The following CCDC187 variants were observed in gnomAD, a reference collection of about 807,000 sequenced individuals.
CCDC187 encodes the protein coiled-coil domain containing 187.
Under a neutral mutation model 38.0 loss-of-function variants are expected in CCDC187, and 32 were observed. That is an observed-to-expected ratio of 0.84 (90% confidence interval 0.64 to 1.13). The LOEUF (loss-of-function observed/expected upper bound fraction) is 1.13, where lower values mean the gene tolerates loss of function less well. Among genes scored for constraint, CCDC187 ranks in the 50% most tolerant of loss-of-function variants. CCDC187 has a pLI of 0.00. For synonymous variants in CCDC187, 333 were observed against 347.9 expected, an observed-to-expected ratio of 0.96 and a Z score of 0.48; for missense variants, 707 against 786.8, an observed-to-expected ratio of 0.90 and a Z score of 1.21.
chr9:136,257,302 G>A lies in CCDC187; in HGVS notation c.4367-461C>T, dbSNP rs1229693224. Among the ~76,000 whole-genome samples, 1 of 152,152 alleles carries A rather than the reference G, an allele frequency of 6.6e-6. No individual in the cohort carries two copies. The highest frequency in any genetic ancestry group is 1.5e-5 in the Non-Finnish European group (1 of 68,026). The stretch of plus-strand genomic sequence containing the variant: ...GCAAAAGAATTGCTTGAACCCGGGA[G>A]GCGGAGGTTGCAGTGAGCCAAGATC... On this transcript the variant is annotated intron_variant, in intron 22 of 25. Coordinates refer to ENST00000638797, the MANE Select transcript of CCDC187 (RefSeq NM_001378188.1). This position sits in a 1 kb window ranked among gnomAD's most constrained non-coding sequence, Gnocchi z 4.5.
chr9:136,259,189 G>A (rs370429333), intron 21 of CCDC187, among the ~76,000 whole-genome samples, 174 bp downstream of exon 21: 99 of 135,944 alleles, frequency 7.3e-4, no homozygotes, highest in East Asian at 2.1e-3. Flanking sequence ...ACCAAGGACC[G>A]GCCACAGGAA....
chr9:136,293,246 CAT>C (rs1292883826), intron 4 of CCDC187, among the ~76,000 whole-genome samples: 7 of 146,362 alleles, frequency 4.8e-5, no homozygotes, highest in Admixed American at 1.3e-4. Flanking sequence ...CTCACACTCA[CAT>C]GCTTACACAC....
In CCDC187 at chr9:136,256,709, G is replaced by A. The variant is rs1830617271; in HGVS notation, c.4499C>T (p.Ala1500Val). The change falls in exon 23 of 26, where the codon GCC becomes GTC. Residue 1500 changes from alanine to valine, a missense_variant. By Grantham distance (64) the Ala-to-Val change is moderately conservative. Transcript: ENST00000638797. ...GCACGGCCACACCCGACTCACGCTG[G>A]CTTCTTGTGGGCCACAAGGACCTTC... Reference protein sequence around the residue: ...GREGPCGPQEASQVAEDSMSE... With the variant: ...GREGPCGPQEVSQVAEDSMSE... 1 of 152,266 alleles carries A rather than the reference G, an allele frequency of 6.6e-6. No individual in the cohort carries two copies. Among genetic ancestry groups the A allele is most frequent in the Non-Finnish European group, 1.5e-5 (1 of 68,048 alleles). 9.4% of individuals were successfully genotyped at this position (152,266 alleles called of 1,614,324 possible). A position where few individuals can be genotyped will look rare whatever the true frequency, so the allele number is the denominator to read the frequency against.
chr9:136,260,382 C>A lies in CCDC187; in HGVS notation c.4065-118G>T, dbSNP rs1035971696. 4 of 767,424 alleles carry A rather than the reference C, an allele frequency of 5.2e-6. No individual in the cohort carries two copies. In the African/African-American group the frequency reaches 5.7e-5, roughly 11 times the overall value. 47.5% of individuals were successfully genotyped at this position (767,424 alleles called of 1,614,324 possible). On this transcript the variant is annotated intron_variant, in intron 19 of 25. Transcript: ENST00000638797. ...CCTGGGAACAACCTCATGTCACATCCAGGGATGGCTGTGGTCAGTGGCCAA... is the reference window on the plus strand; with the variant it reads ...CCTGGGAACAACCTCATGTCACATCAAGGGATGGCTGTGGTCAGTGGCCAA...
chr9:136,288,708 G>A (rs1450912378), intron 7 of CCDC187, among the ~76,000 whole-genome samples: 2 of 152,172 alleles, frequency 1.3e-5, no homozygotes, highest in African/African-American at 4.8e-5. Flanking sequence ...CCATGTGTGT[G>A]ATTCACGATG....
chr9:136,276,029 T>C (rs1830925004), intron 12 of CCDC187, among the ~76,000 whole-genome samples, 165 bp downstream of exon 12: 7 of 152,274 alleles, frequency 4.6e-5, no homozygotes, highest in Admixed American at 2.6e-4. Context: ...TGTTTCTGCA[T>C]AGAGACTTTG....
At chr9:136,273,388 A>G (rs781963111) in intron 14 of CCDC187, among the ~76,000 whole-genome samples, 8 of 152,228 alleles carry the variant, frequency 5.3e-5, no homozygotes, top group Non-Finnish European at 1.0e-4. Context: ...ATCAGACAAA[A>G]TAGCCTCTGA....
rs35303959 is a variant in CCDC187 at position 136,264,761 on chromosome 9, C to CT, written c.3736-964dup. 6.2e-3 allele frequency among the ~76,000 whole-genome samples: 885 copies of CT among 143,560 alleles called. 5 individuals carry two copies. Among genetic ancestry groups the CT allele is most frequent in the African/African-American group, 0.012 (434 of 37,186 alleles). The allele number at this position is 143,560 out of a possible 152,430, so 94.2% of individuals were successfully genotyped here. ...AAAGTAGTCCCCCACCCCAGCTCACCTTTTTTTTTTTTGAAACAAGGTCTC... is the reference window on the plus strand; with the variant it reads ...AAAGTAGTCCCCCACCCCAGCTCACCTTTTTTTTTTTTTGAAACAAGGTCTC... On this transcript the variant is annotated intron_variant, in intron 17 of 25. Coordinates refer to ENST00000638797, the MANE Select transcript of CCDC187 (RefSeq NM_001378188.1). The surrounding 1 kb of genome is among the most constrained non-coding windows in gnomAD (Gnocchi z 4.3).
intron 7 of CCDC187, among the ~76,000 whole-genome samples, chr9:136,288,644 T>C (rs1831238250): frequency 6.6e-6 from 1 of 151,956 alleles, no homozygotes. Context: ...CTGGAAACTG[T>C]AGTGAGACCC....
chr9:136,263,823 T>A, intron 17 of CCDC187, 25 bp from the exon 18 acceptor site: 1 of 985,424 alleles, frequency 1.0e-6, no homozygotes, highest in Non-Finnish European at 1.2e-6. Context: ...TAAGCAGATG[T>A]CAGCATAACC....
chr9:136,305,495 C>T (rs1831788773), upstream of CCDC187, among the ~76,000 whole-genome samples: 1 of 152,210 alleles, frequency 6.6e-6, no homozygotes, highest in Admixed American at 6.5e-5. Flanking sequence ...GGCCTGGCCC[C>T]CCTGCTGACG....
In CCDC187 at chr9:136,268,223, T is replaced by C. The variant is rs901046039; in HGVS notation, c.3443-98A>G. ...GAGGGCCTCATAAAAGTAGGAGGTC[T>C]AGGGCAGTTTAGTGTCCCCATCCCA... On this transcript the variant is annotated intron_variant, in intron 14 of 25. Transcript: ENST00000638797. 1.3e-4 allele frequency: 98 copies of C among 753,110 alleles called. No homozygotes were observed. The Admixed American group carries it at 1.4e-3, about 11-fold the overall frequency. 46.7% of individuals were successfully genotyped at this position (753,110 alleles called of 1,614,324 possible).
chr9:136,258,868 C>A lies in CCDC187; in HGVS notation c.4366+64G>T. ...GCTGAGCTCCAGCCTCGGACAGGCT[C>A]TGCTGGATGTGGGGGAAGTGTCTGG... On this transcript the variant is annotated intron_variant, in intron 22 of 25. Coordinates refer to ENST00000638797, the MANE Select transcript of CCDC187 (RefSeq NM_001378188.1). The surrounding 1 kb of genome is among the most constrained non-coding windows in gnomAD (Gnocchi z 4.3). 1.0e-6 allele frequency: 1 copy of A among 985,576 alleles called. No homozygotes were observed. Among genetic ancestry groups the A allele is most frequent in the Non-Finnish European group, 1.2e-6 (1 of 830,034 alleles). The allele number at this position is 985,576 out of a possible 1,614,324, so 61.1% of individuals were successfully genotyped here.
Position 136,250,862 on chromosome 9 carries a change from G to A in CCDC187, c.*2732C>T. ...GCAGGCTGGGTCCAGCTGCTCCCGG[G>A]CGAGGGGTGTCTGGAGAGGGGCTCT... On this transcript the variant is annotated 3_prime_UTR_variant, in exon 26 of 26. Transcript: ENST00000638797. 1 of 455,416 alleles carries A rather than the reference G, an allele frequency of 2.2e-6. No homozygotes were observed. The highest frequency in any genetic ancestry group is 4.4e-6 in the Non-Finnish European group (1 of 226,352). The allele number at this position is 455,416 out of a possible 1,614,324, so 28.2% of individuals were successfully genotyped here.
At chr9:136,273,583 T>C (rs1466466548) in intron 14 of CCDC187, among the ~76,000 whole-genome samples, 3 of 152,142 alleles carry the variant, frequency 2.0e-5, no homozygotes, top group African/African-American at 7.2e-5. Flanking sequence ...TCAATTCCAG[T>C]CTCTTATTCA....
Position 136,290,800 on chromosome 9 carries a change from T to C in CCDC187, c.1813A>G (p.Thr605Ala). 2.5e-6 allele frequency: 1 copy of C among 398,526 alleles called. No individual in the cohort carries two copies. Among genetic ancestry groups the C allele is most frequent in the Non-Finnish European group, 4.4e-6 (1 of 225,994 alleles). The allele number at this position is 398,526 out of a possible 1,614,324, so 24.7% of individuals were successfully genotyped here. Residue 605 changes from threonine (T) to alanine (A), a missense_variant, in exon 6 of 26, where the codon ACC becomes GCC. By Grantham distance (58) the Thr-to-Ala change is moderately conservative. Coordinates refer to ENST00000638797, the MANE Select transcript of CCDC187 (RefSeq NM_001378188.1). ...SAAKHALPRPTGSFPQNPLGK... is the reference protein window; with the variant it reads ...SAAKHALPRPAGSFPQNPLGK... ...AGTGGGTTCTGAGGGAAGCTCCCGG[T>C]GGGCCTTGGCAGGGCATGCTTGGCA... is the stretch of plus-strand genomic sequence containing the variant.
At chr9:136,262,202 G>A (rs782310251) in intron 19 of CCDC187, 109 bp downstream of exon 19, 102 of 945,312 alleles carry the variant, frequency 1.1e-4, no homozygotes, top group Non-Finnish European at 1.2e-4. Context: ...GTGCCACCCC[G>A]GCCCCTGAGC....
chr9:136,296,860 G>A (rs1309134749), intron 4 of CCDC187, among the ~76,000 whole-genome samples: 1 of 152,182 alleles, frequency 6.6e-6, no homozygotes, highest in Non-Finnish European at 1.5e-5. Context: ...GGACTCTCCG[G>A]GAAACACGCA....
chr9:136,251,980 G>A lies in CCDC187; in HGVS notation c.*1614C>T, dbSNP rs1190616412. On this transcript the variant is annotated 3_prime_UTR_variant, in exon 26 of 26. Coordinates refer to ENST00000638797, the MANE Select transcript of CCDC187 (RefSeq NM_001378188.1). ...CCGGGAAGGTCCAGGCGACCGTCCCGCGGAGCCGGCCGCCCACCTGGTCCA... is the reference window on the plus strand; with the variant it reads ...CCGGGAAGGTCCAGGCGACCGTCCCACGGAGCCGGCCGCCCACCTGGTCCA... The A allele has an allele frequency of 2.9e-5, 3 of 103,706 alleles. No homozygotes were observed. The highest frequency in any genetic ancestry group is 1.8e-4 in the Admixed American group (2 of 11,044). 6.4% of individuals were successfully genotyped at this position (103,706 alleles called of 1,614,324 possible).
Sources: gnomAD v4.1 joint callset for allele counts (sites outside exome capture counted in the v4.1 genomes callset) on GRCh38, gnomAD v4.1.1 for gene constraint, Gnocchi (gnomAD v3.1) non-coding constraint, MANE v1.5 for transcripts, NCBI Gene and HGNC (gene_info 2026-07-23, HGNC 2026-07-21) for gene names.